DENND1A: variants seen among roughly 807,000 people sequenced by gnomAD.
DENND1A encodes DENN domain containing 1A.
DENND1A carries 51 observed loss-of-function variants against 113.7 expected under a neutral mutation model. That is an observed-to-expected ratio of 0.45 (90% CI 0.36 to 0.57). DENND1A has a LOEUF of 0.57. DENND1A is among the 20% of genes least tolerant of loss of function. The pLI is 0.00. For missense variants in DENND1A, 1,258 were observed against 1,395.9 expected (o/e 0.90, Z 1.57); for synonymous variants, 565 against 570.8 (o/e 0.99, Z 0.14).
At chr9:123,409,867 G>A (rs1286040941) in intron 20 of DENND1A, among the ~76,000 whole-genome samples, 2 of 152,190 alleles carry the variant, frequency 1.3e-5, no homozygotes, top group East Asian at 3.9e-4. Context: ...TGAGGCGGGC[G>A]GATCACAAGG....
rs772560580 is a variant in DENND1A at position 123,380,593 on chromosome 9, C to T, written c.*839G>A. Reference sequence around the variant, plus strand: ...CTTCTCAGCTTTGCCCACAAAGCTCCAGATGACAAGAGGCTGAGCCCCAGC... The same window carrying T: ...CTTCTCAGCTTTGCCCACAAAGCTCTAGATGACAAGAGGCTGAGCCCCAGC... On this transcript the variant is annotated 3_prime_UTR_variant, in exon 24 of 24. Coordinates refer to ENST00000394215, the MANE Select transcript of DENND1A (RefSeq NM_001352964.2). The T allele has an allele frequency of 6.6e-6, 1 of 152,438 alleles. No individual in the cohort carries two copies. Among genetic ancestry groups the T allele is most frequent in the Admixed American group, 6.5e-5 (1 of 15,290 alleles). The allele number at this position is 152,438 out of a possible 1,614,324, so 9.4% of individuals were successfully genotyped here.
chr9:123,455,031 A>G (rs1329054359), intron 15 of DENND1A, among the ~76,000 whole-genome samples: 2 of 152,092 alleles, frequency 1.3e-5, no homozygotes, highest in African/African-American at 2.4e-5. Context: ...CATGTTGGCC[A>G]GGCTGGTCTC....
At chr9:123,793,623 A>C (rs1038497573) in intron 2 of DENND1A, among the ~76,000 whole-genome samples, 4 of 152,172 alleles carry the variant, frequency 2.6e-5, no homozygotes, top group Admixed American at 2.0e-4. Context: ...GGCTACCTTT[A>C]AACACCATAC....
At chr9:123,638,770 C>G (rs564326051) in intron 9 of DENND1A, among the ~76,000 whole-genome samples, 27 of 152,060 alleles carry the variant, frequency 1.8e-4, no homozygotes, top group Admixed American at 4.6e-4. Context: ...CTCACATGCA[C>G]CTTTGATCAA....
intron 20 of DENND1A, among the ~76,000 whole-genome samples, chr9:123,409,448 C>T (rs992102352): frequency 6.6e-5 from 10 of 151,680 alleles, no homozygotes; most frequent in African/African-American, 2.4e-4. Flanking sequence ...GGGCACACAA[C>T]CAGGAAGTAT....
intron 22 of DENND1A, 74 bp downstream of exon 22, chr9:123,387,656 C>T (rs1588269720): frequency 3.9e-6 from 5 of 1,267,380 alleles, no homozygotes; most frequent in Admixed American, 2.4e-5. Flanking sequence ...GCAGCACCAG[C>T]CCCCCGCTTT....
At chr9:123,431,717 C>T (rs990189687) in intron 19 of DENND1A, among the ~76,000 whole-genome samples, 2 of 152,202 alleles carry the variant, frequency 1.3e-5, no homozygotes, top group Non-Finnish European at 2.9e-5. Flanking sequence ...AGCATGCTCC[C>T]TGGAGCTGGA....
chr9:123,723,934 A>C lies in DENND1A; in HGVS notation c.302+33769T>G, dbSNP rs113619810. On this transcript the variant is annotated intron_variant, in intron 5 of 23. Coordinates refer to ENST00000394215, the MANE Select transcript of DENND1A (RefSeq NM_001352964.2). ...CAGTGTCAACTACATTGCTTGGTTCATAGTATAATGCAGTAGATGTTGACT... is the reference window on the plus strand; with the variant it reads ...CAGTGTCAACTACATTGCTTGGTTCCTAGTATAATGCAGTAGATGTTGACT... Among the ~76,000 whole-genome samples the C allele has an allele frequency of 3.8e-3, 574 of 152,310 alleles. 5 individuals are homozygous for C. Among genetic ancestry groups the C allele is most frequent in the Middle Eastern group, 3.4e-3 (1 of 294 alleles).
At chr9:123,445,446 G>T (rs2047232799) in intron 18 of DENND1A, among the ~76,000 whole-genome samples, 1 of 152,230 alleles carries the variant, frequency 6.6e-6, no homozygotes, top group African/African-American at 2.4e-5. Flanking sequence ...TCAGTGCTGG[G>T]TCCTACAAAG....
chr9:123,704,522 TTATA>T (rs1458336356), intron 5 of DENND1A, among the ~76,000 whole-genome samples: 1 of 152,148 alleles, frequency 6.6e-6, no homozygotes, highest in East Asian at 1.9e-4. Context: ...GCAAACATAT[TTATA>T]GAGAACCCAA....
chr9:123,743,766 T>A (rs979968777), intron 5 of DENND1A, among the ~76,000 whole-genome samples: 2 of 151,686 alleles, frequency 1.3e-5, no homozygotes, highest in African/African-American at 2.4e-5. Flanking sequence ...AATTTAAATT[T>A]AAATTAAAAA....
chr9:123,920,451 TA>T (rs1410644686), intron 1 of DENND1A, among the ~76,000 whole-genome samples: 7 of 152,190 alleles, frequency 4.6e-5, no homozygotes, highest in African/African-American at 1.7e-4. Flanking sequence ...AAAAACACTT[TA>T]AAAAGACTGA....
intron 2 of DENND1A, among the ~76,000 whole-genome samples, chr9:123,808,512 C>G (rs1835985002): frequency 6.6e-6 from 1 of 151,896 alleles, no homozygotes; most frequent in African/African-American, 2.4e-5. Context: ...TCCCAAGTAG[C>G]TGGACCTACA....
chr9:123,889,383 G>A lies in DENND1A; in HGVS notation c.18-10362C>T, dbSNP rs917931946. Reference sequence around the variant, plus strand: ...AAACTAATGTAAAGGGTATTATCACGTATCATATAAAAATAAAATGGCTTC... The same window carrying A: ...AAACTAATGTAAAGGGTATTATCACATATCATATAAAAATAAAATGGCTTC... On this transcript the variant is annotated intron_variant, in intron 1 of 23. Transcript: ENST00000394215. Among the ~76,000 whole-genome samples the A allele has an allele frequency of 4.6e-5, 7 of 152,230 alleles. No individual in the cohort carries two copies. In the East Asian group the frequency reaches 9.6e-4, roughly 21 times the overall value.
chr9:123,745,832 T>C (rs1469558618), intron 5 of DENND1A, among the ~76,000 whole-genome samples: 2 of 152,040 alleles, frequency 1.3e-5, no homozygotes, highest in Non-Finnish European at 2.9e-5. Context: ...AAACCAGCTG[T>C]GGTATATCAT....
At chr9:123,652,967 T>A (rs535715349) in intron 8 of DENND1A, among the ~76,000 whole-genome samples, 2 of 152,196 alleles carry the variant, frequency 1.3e-5, no homozygotes, top group Non-Finnish European at 2.9e-5. Flanking sequence ...ATAATACACA[T>A]GAATATGCTA....
chr9:123,502,980 G>C (rs931731484), intron 13 of DENND1A, among the ~76,000 whole-genome samples: 4 of 152,220 alleles, frequency 2.6e-5, no homozygotes, highest in Non-Finnish European at 4.4e-5. Flanking sequence ...ATCTAGCCGT[G>C]ACCATGGCTG....
At chr9:123,573,436 A>G (rs989144463) in intron 12 of DENND1A, among the ~76,000 whole-genome samples, 1 of 152,168 alleles carries the variant, frequency 6.6e-6, no homozygotes, top group Non-Finnish European at 1.5e-5. Context: ...CAAAACATGG[A>G]ATAGCTCTCC....
At chr9:123,634,658 A>G (rs1184241888) in intron 9 of DENND1A, among the ~76,000 whole-genome samples, 2 of 152,264 alleles carry the variant, frequency 1.3e-5, no homozygotes, top group Non-Finnish European at 2.9e-5. Flanking sequence ...AAGTTGAAGG[A>G]AATGATTCTA....
Sources: gnomAD v4.1 joint callset for allele counts (sites outside exome capture counted in the v4.1 genomes callset) on GRCh38, gnomAD v4.1.1 for gene constraint, MANE v1.5 for transcripts, NCBI Gene and HGNC (gene_info 2026-07-23, HGNC 2026-07-21) for gene names.